The following FLT3 variants were observed in gnomAD, a reference collection of about 807,000 sequenced individuals.
FLT3 encodes the protein receptor-type tyrosine-protein kinase FLT3.
Under a neutral mutation model 126.6 loss-of-function variants are expected in FLT3, and 46 were observed. That is an observed-to-expected ratio of 0.36 (90% CI 0.29 to 0.46). FLT3 has a LOEUF of 0.46. Among genes scored for constraint, FLT3 ranks in the 20% least tolerant of loss-of-function variants. The pLI is 1.00. For missense variants in FLT3, 1,069 were observed against 1,190.3 expected, an observed-to-expected ratio of 0.90 and a Z score of 1.50; for synonymous variants, 404 against 434.4, an observed-to-expected ratio of 0.93 and a Z score of 0.87.
intron 15 of FLT3, among the ~76,000 whole-genome samples, chr13:28,029,934 G>A (rs1202600302): frequency 1.3e-5 from 2 of 152,168 alleles, no homozygotes; most frequent in African/African-American, 4.8e-5. Flanking sequence ...CCGTCATTGC[G>A]GCTCATGTGC....
At chr13:28,006,728 CTTTTTT>C (rs753656559) in intron 23 of FLT3, among the ~76,000 whole-genome samples, 9 of 132,900 alleles carry the variant, frequency 6.8e-5, no homozygotes, top group Non-Finnish European at 1.1e-4. Context: ...CCTTTCTTTC[CTTTTTT>C]TTTTTTTTTT....
chr13:28,091,452 A>G (rs1273320932), intron 1 of FLT3, among the ~76,000 whole-genome samples: 13 of 149,364 alleles, frequency 8.7e-5, no homozygotes, highest in Admixed American at 1.3e-4. Flanking sequence ...CGATCTCCTG[A>G]CCTCGTGATC....
At chr13:28,019,490 A>G (rs1872190712) in intron 19 of FLT3, among the ~76,000 whole-genome samples, 1 of 152,086 alleles carries the variant, frequency 6.6e-6, no homozygotes, top group African/African-American at 2.4e-5. Flanking sequence ...CACTAGTAGC[A>G]AAGGTCCAAT....
chr13:28,040,206 G>A (rs992025067), intron 9 of FLT3, among the ~76,000 whole-genome samples: 3 of 152,236 alleles, frequency 2.0e-5, no homozygotes, highest in Non-Finnish European at 4.4e-5. Context: ...GGTGAAGGTA[G>A]AGGGGTAATA....
At chr13:28,033,857 C>A (rs769235927) in intron 15 of FLT3, 30 bp downstream of exon 15, 1 of 1,553,576 alleles carries the variant, frequency 6.4e-7, no homozygotes, top group Non-Finnish European at 8.9e-7. Context: ...TTTTGTGCAT[C>A]TTTGTTGCTG....
chr13:28,079,650 T>G (rs1348039897), intron 1 of FLT3, among the ~76,000 whole-genome samples: 1 of 152,066 alleles, frequency 6.6e-6, no homozygotes, highest in Admixed American at 6.6e-5. Context: ...ACTTCTTACA[T>G]GGTGGCAGCA....
intron 1 of FLT3, among the ~76,000 whole-genome samples, chr13:28,091,270 G>A (rs554114053): frequency 1.1e-4 from 13 of 117,802 alleles, no homozygotes; most frequent in African/African-American, 3.0e-4. Context: ...CGCCCAGGCT[G>A]GAGTGCAGTG....
At chr13:28,019,107 A>G (rs898187080) in intron 19 of FLT3, among the ~76,000 whole-genome samples, 3 of 151,578 alleles carry the variant, frequency 2.0e-5, no homozygotes, top group Non-Finnish European at 4.4e-5. Flanking sequence ...TGCTGGGATT[A>G]CAGGCACGCG....
At chr13:28,082,148 A>C (rs892843526) in intron 1 of FLT3, among the ~76,000 whole-genome samples, 3 of 146,292 alleles carry the variant, frequency 2.1e-5, no homozygotes, top group Admixed American at 1.4e-4. Flanking sequence ...GAGCCACTGC[A>C]CCGGCCTACT....
intron 16 of FLT3, among the ~76,000 whole-genome samples, chr13:28,027,467 T>C (rs943099789): frequency 1.3e-5 from 2 of 152,226 alleles, no homozygotes; most frequent in African/African-American, 2.4e-5. Flanking sequence ...TGGCCCTTTT[T>C]TGTATGTGTG....
rs914344497 is a variant in FLT3 at position 28,082,687 on chromosome 13, T to C, written c.44-12075A>G. 7.3e-5 allele frequency among the ~76,000 whole-genome samples: 11 copies of C among 150,284 alleles called. No individual in the cohort carries two copies. The East Asian group carries it at 1.8e-3, about 24-fold the overall frequency. On this transcript the variant is annotated intron_variant, in intron 1 of 23. Transcript: ENST00000241453. ...CCAGCTAATTTTTGTTTTGTTTTGT[T>C]TTGTTTTGTTTTGTTTTGTTTTGTT...
In FLT3 at chr13:28,049,445, G is replaced by T. The variant is rs781557651; in HGVS notation, c.975C>A (p.Thr325=). Residue 325 remains threonine (T), a synonymous_variant, in exon 8 of 24, where the codon ACC becomes ACA. Transcript: ENST00000241453. ...AFVSSVARND[T]GYYTCSSSKH... is the part of the protein sequence containing the mutation. Reference sequence around the variant, plus strand: ...TTGAAGAGGAACAAGTGTAGTATCCGGTGTCGTTTCTTGCCACTGATGATA... The same window carrying T: ...TTGAAGAGGAACAAGTGTAGTATCCTGTGTCGTTTCTTGCCACTGATGATA... The T allele has an allele frequency of 1.9e-6, 3 of 1,613,850 alleles. No individual in the cohort carries two copies. The East Asian group carries it at 6.7e-5, about 36-fold the overall frequency.
intron 17 of FLT3, 80 bp downstream of exon 17, chr13:28,027,008 G>A (rs971896882): frequency 2.4e-6 from 3 of 1,257,954 alleles, no homozygotes; most frequent in African/African-American, 3.0e-5. Context: ...TTAGAAACTG[G>A]TCAACGAAGT....
At chr13:28,086,648 G>A (rs995458663) in intron 1 of FLT3, among the ~76,000 whole-genome samples, 1 of 151,586 alleles carries the variant, frequency 6.6e-6, no homozygotes, top group Admixed American at 6.6e-5. Flanking sequence ...GTGTGTGTGT[G>A]TGTGTGTGTG....
At position 28,025,151 on chromosome 13, in the gene FLT3, T is replaced by C. The variant is rs1373225760; in HGVS notation, c.2208-208A>G. On this transcript the variant is annotated intron_variant, in intron 17 of 23. Transcript: ENST00000241453. ...GTCTAAGATAAAAGTAATCCCTGTT[T>C]TCCATATAGAATCTTACAGTTCAAA... The C allele has an allele frequency of 1.6e-5, 9 of 563,756 alleles. No individual in the cohort carries two copies. The East Asian group carries it at 2.4e-4, about 15-fold the overall frequency. 34.9% of individuals were successfully genotyped at this position (563,756 alleles called of 1,614,324 possible). A position where few individuals can be genotyped will look rare whatever the true frequency, so the allele number is the denominator to read the frequency against.
chr13:28,094,360 T>C (rs947518319), intron 1 of FLT3, among the ~76,000 whole-genome samples: 11 of 152,194 alleles, frequency 7.2e-5, no homozygotes, highest in African/African-American at 2.4e-4. Flanking sequence ...TGGCTACCAA[T>C]TGACCTTATA....
intron 15 of FLT3, among the ~76,000 whole-genome samples, chr13:28,031,292 A>G (rs9512988): frequency 0.16 from 23,955 of 152,140 alleles, 2,203 homozygotes; most frequent in Middle Eastern, 0.26. Context: ...CAAAAGGGAT[A>G]GCTACCTTAG....
At chr13:28,085,884 G>A (rs1479373670) in intron 1 of FLT3, among the ~76,000 whole-genome samples, 2 of 152,016 alleles carry the variant, frequency 1.3e-5, no homozygotes, top group African/African-American at 2.4e-5. Flanking sequence ...AGGCCAATGT[G>A]GGCAGATCAT....
chr13:28,024,353 G>A lies in FLT3; in HGVS notation c.2290+508C>T, dbSNP rs145804011. ...CTCCATGTTGGGCCAGGCTGGTCTT[G>A]AACTCCTGACCTCAGGTGACCTGCC... On this transcript the variant is annotated intron_variant, in intron 18 of 23. Transcript: ENST00000241453. Among the ~76,000 whole-genome samples, 292 of 152,046 alleles carry A rather than the reference G, an allele frequency of 1.9e-3. No individual in the cohort carries two copies. In the East Asian group the frequency reaches 0.025, roughly 13 times the overall value.
Sources: gnomAD v4.1 joint callset for allele counts (sites outside exome capture counted in the v4.1 genomes callset) on GRCh38, gnomAD v4.1.1 for gene constraint, MANE v1.5 for transcripts, NCBI Gene and HGNC (gene_info 2026-07-23, HGNC 2026-07-21) for gene names.